Variants in UNC13B observed in about 807,000 individuals in gnomAD.
UNC13B encodes the protein protein unc-13 homolog B.
In UNC13B, 144 loss-of-function variants were observed where a neutral mutation model predicts 211.0. The ratio of observed to expected loss-of-function variants is 0.68; its 90% CI spans 0.60 to 0.78. UNC13B has a LOEUF of 0.78. Among genes scored for constraint, UNC13B ranks in the 30% least tolerant of loss-of-function variants. The pLI is 0.00. For missense variants in UNC13B, 1,777 were observed against 2,002.0 expected (o/e 0.89, Z 2.14); for synonymous variants, 709 against 725.8 (o/e 0.98, Z 0.37).
chr9:35,334,175 A>G (rs1831523422), intron 11 of UNC13B, among the ~76,000 whole-genome samples: 1 of 152,172 alleles, frequency 6.6e-6, no homozygotes, highest in African/African-American at 2.4e-5. Context: ...CATGTTGGCC[A>G]GGCTGGTCTT....
chr9:35,285,630 T>C (rs976810751), intron 7 of UNC13B, among the ~76,000 whole-genome samples: 1 of 151,956 alleles, frequency 6.6e-6, no homozygotes, highest in African/African-American at 2.4e-5. Flanking sequence ...GGTAGGAGGA[T>C]TGGTTGAGGC....
At chr9:35,248,985 A>G (rs1826281165) in intron 6 of UNC13B, among the ~76,000 whole-genome samples, 2 of 152,050 alleles carry the variant, frequency 1.3e-5, no homozygotes, top group Admixed American at 6.6e-5. Flanking sequence ...ATTGTGTAGG[A>G]GTCTAAGTCT....
intron 11 of UNC13B, among the ~76,000 whole-genome samples, chr9:35,327,608 C>A (rs546599711): frequency 6.6e-6 from 1 of 152,184 alleles, no homozygotes; most frequent in Non-Finnish European, 1.5e-5. Context: ...TTGTGCCCAC[C>A]CACATTGAGG....
chr9:35,254,399 A>C (rs1826693614), intron 6 of UNC13B, among the ~76,000 whole-genome samples: 2 of 152,114 alleles, frequency 1.3e-5, no homozygotes, highest in African/African-American at 4.8e-5. Flanking sequence ...ATGTGATGGA[A>C]GCATGCTCTC....
At chr9:35,379,256 T>C (rs1349619356) in intron 17 of UNC13B, among the ~76,000 whole-genome samples, 33 of 152,124 alleles carry the variant, frequency 2.2e-4, no homozygotes, top group Admixed American at 2.2e-3. Context: ...CAGACCAGAC[T>C]GGCCAACATG....
intron 11 of UNC13B, among the ~76,000 whole-genome samples, chr9:35,325,631 T>C (rs1830963083): frequency 6.6e-6 from 1 of 152,120 alleles, no homozygotes; most frequent in South Asian, 2.1e-4. Flanking sequence ...TACAATTAAG[T>C]GGTATTTAAT....
At chr9:35,226,503 C>T (rs1252734324) in intron 1 of UNC13B, among the ~76,000 whole-genome samples, 1 of 152,198 alleles carries the variant, frequency 6.6e-6, no homozygotes, top group Non-Finnish European at 1.5e-5. Context: ...AACTGCGGAG[C>T]TGGGAAGCCA....
intron 7 of UNC13B, among the ~76,000 whole-genome samples, chr9:35,266,282 A>C (rs937031121): frequency 6.6e-6 from 1 of 152,158 alleles, no homozygotes; most frequent in African/African-American, 2.4e-5. Context: ...AGATTCCTTC[A>C]TGTGGATGGC....
intron 11 of UNC13B, chr9:35,351,950 G>A: frequency 8.1e-7 from 1 of 1,232,244 alleles, no homozygotes; most frequent in Non-Finnish European, 1.0e-6. Context: ...TTTGGGGGAT[G>A]TAGTAGAATA....
chr9:35,275,527 A>T (rs561308134), intron 7 of UNC13B, among the ~76,000 whole-genome samples: 2 of 152,266 alleles, frequency 1.3e-5, no homozygotes, highest in African/African-American at 2.4e-5. Context: ...TGCTGTTCGA[A>T]TATACAGGTA....
rs1822329855 is a variant in UNC13B at position 35,304,877 on chromosome 9, G to A, written c.5473G>A (p.Val1825Ile). ...SLLKDSERQI[V>I]SNVQHPELIK... ...TCTTAAGGATTCAGAAAGACAGATA[G>A]TATCCAATGTTCAGCATCCAGAATT... Residue 1825 changes from valine to isoleucine, a missense_variant, in exon 9 of 40, where the codon GTA (valine) becomes ATA (isoleucine). By Grantham distance (29) the Val-to-Ile change is conservative. Transcript: ENST00000635942. 2.5e-6 allele frequency: 1 copy of A among 398,782 alleles called. No homozygotes were observed. The highest frequency in any genetic ancestry group is 4.4e-5 in the Admixed American group (1 of 22,694). The allele number at this position is 398,782 out of a possible 1,614,324, so 24.7% of individuals were successfully genotyped here.
intron 24 of UNC13B, among the ~76,000 whole-genome samples, chr9:35,388,256 A>C (rs1171448732): frequency 6.6e-6 from 1 of 152,134 alleles, no homozygotes; most frequent in African/African-American, 2.4e-5. Context: ...AAAAATACAA[A>C]AATTAGGCAG....
chr9:35,396,080 A>G (rs1422691986), intron 26 of UNC13B, among the ~76,000 whole-genome samples: 1 of 152,180 alleles, frequency 6.6e-6, no homozygotes, highest in African/African-American at 2.4e-5. Flanking sequence ...TGACTCAGCT[A>G]CTGTGATCAG....
intron 7 of UNC13B, among the ~76,000 whole-genome samples, chr9:35,293,723 A>T (rs1191935274): frequency 6.6e-6 from 1 of 152,214 alleles, no homozygotes; most frequent in Non-Finnish European, 1.5e-5. Flanking sequence ...ATATATCATC[A>T]GAATGCTTTG....
intron 11 of UNC13B, among the ~76,000 whole-genome samples, chr9:35,330,162 T>C (rs546853887): frequency 2.0e-5 from 3 of 152,390 alleles, no homozygotes; most frequent in Admixed American, 6.5e-5. Context: ...CGACTTGTTC[T>C]CTCTCACAGG....
At chr9:35,280,165 A>C (rs866642681) in intron 7 of UNC13B, among the ~76,000 whole-genome samples, 5 of 152,326 alleles carry the variant, frequency 3.3e-5, no homozygotes, top group South Asian at 2.1e-4. Context: ...ACAGAAGAAG[A>C]AGCAAATGGT....
intron 1 of UNC13B, among the ~76,000 whole-genome samples, chr9:35,207,561 C>G (rs1823734684): frequency 6.6e-6 from 1 of 151,364 alleles, no homozygotes; most frequent in South Asian, 2.1e-4. Context: ...TCACGAACTC[C>G]TGGGCCCAAG....
chr9:35,193,602 G>A (rs1564058952), intron 1 of UNC13B, among the ~76,000 whole-genome samples: 3 of 147,040 alleles, frequency 2.0e-5, no homozygotes, highest in African/African-American at 7.6e-5. Context: ...AGGTTGCATT[G>A]AGCCGAGACT....
intron 11 of UNC13B, among the ~76,000 whole-genome samples, chr9:35,338,093 C>A (rs1310666147): frequency 6.6e-6 from 1 of 152,160 alleles, no homozygotes; most frequent in Non-Finnish European, 1.5e-5. Flanking sequence ...AATCTGGGAG[C>A]TGTGACTTTT....
Sources: allele counts gnomAD v4.1 joint callset (sites outside exome capture counted in the v4.1 genomes callset), GRCh38; gene constraint gnomAD v4.1.1; transcripts MANE v1.5; gene names NCBI Gene and HGNC (gene_info 2026-07-23, HGNC 2026-07-21).